The following TRAF3IP1 variants were observed in gnomAD, a reference collection of about 807,000 sequenced individuals.
The protein encoded by TRAF3IP1 is intraflagellar transport 54.
In TRAF3IP1, 53 loss-of-function variants were observed where a neutral mutation model predicts 89.9. The ratio of observed to expected loss-of-function variants is 0.59; its 90% confidence interval spans 0.47 to 0.74. TRAF3IP1 has a LOEUF of 0.74. TRAF3IP1 is among the 30% of genes least tolerant of loss of function. TRAF3IP1 has a pLI of 0.00. For synonymous variants in TRAF3IP1, 311 were observed against 322.1 expected, an observed-to-expected ratio of 0.97 and a Z score of 0.37; for missense variants, 806 against 866.1, an observed-to-expected ratio of 0.93 and a Z score of 0.87.
rs527637226 is a variant in TRAF3IP1 at position 238,336,998 on chromosome 2, G to A, written c.1064-1364G>A. On this transcript the variant is annotated intron_variant, in intron 7 of 16. Coordinates refer to ENST00000373327, the MANE Select transcript of TRAF3IP1 (RefSeq NM_015650.4). ...CATAGGTGTGGCCCTGCTTGACCTG[G>A]GGCCTGCGCTCTAGAACACTGCCTT... Among the ~76,000 whole-genome samples, 26 of 152,064 alleles carry A rather than the reference G, an allele frequency of 1.7e-4. 1 individual carries two copies. Among genetic ancestry groups the A allele is most frequent in the Admixed American group, 1.7e-3 (26 of 15,284 alleles).
intron 15 of TRAF3IP1, among the ~76,000 whole-genome samples, chr2:238,377,230 CTTTTTTTTTTTTTTTT>C (rs71402784): frequency 4.6e-5 from 4 of 86,716 alleles, no homozygotes; most frequent in Non-Finnish European, 8.2e-5. Context: ...TCCTGATTTT[CTTTTTTTTTTTTTTTT>C]TTTTTTTGAG....
intron 15 of TRAF3IP1, among the ~76,000 whole-genome samples, chr2:238,366,105 G>A (rs898206609): frequency 1.3e-5 from 2 of 152,032 alleles, no homozygotes; most frequent in Non-Finnish European, 2.9e-5. Context: ...GGTGGCAGGC[G>A]CCTGTAGTCC....
intron 15 of TRAF3IP1, among the ~76,000 whole-genome samples, chr2:238,376,311 T>C (rs996936984): frequency 1.3e-5 from 2 of 152,206 alleles, no homozygotes; most frequent in African/African-American, 4.8e-5. Context: ...TCATGGGCTA[T>C]AGAGAAATCC....
intron 3 of TRAF3IP1, among the ~76,000 whole-genome samples, chr2:238,327,810 G>A (rs1697913228): frequency 6.6e-6 from 1 of 152,072 alleles, no homozygotes; most frequent in Admixed American, 6.6e-5. Context: ...CTACTCTAGG[G>A]ACCTCGGATA....
intron 15 of TRAF3IP1, among the ~76,000 whole-genome samples, chr2:238,375,235 T>G (rs1700267543): frequency 6.6e-6 from 1 of 152,260 alleles, no homozygotes; most frequent in East Asian, 1.9e-4. Flanking sequence ...GTGTTGATTT[T>G]AAATCTTTCC....
At chr2:238,338,530 T>TA in intron 8 of TRAF3IP1, 73 bp downstream of exon 8, 5 of 839,254 alleles carry the variant, frequency 6.0e-6, no homozygotes, top group Non-Finnish European at 9.2e-6. Context: ...AATGTAGTTA[T>TA]ACATTGTTAA....
At chr2:238,371,715 A>G (rs796716691) in intron 15 of TRAF3IP1, among the ~76,000 whole-genome samples, 3 of 152,214 alleles carry the variant, frequency 2.0e-5, no homozygotes, top group Non-Finnish European at 4.4e-5. Flanking sequence ...GATTTCAAAT[A>G]TGGTGTTGGA....
At chr2:238,369,879 T>A (rs1239919289) in intron 15 of TRAF3IP1, among the ~76,000 whole-genome samples, 1 of 152,212 alleles carries the variant, frequency 6.6e-6, no homozygotes, top group East Asian at 1.9e-4. Flanking sequence ...TGGGCTGTAA[T>A]CTCTTACTGC....
chr2:238,327,512 A>G (rs887829024), intron 3 of TRAF3IP1, among the ~76,000 whole-genome samples: 5 of 152,206 alleles, frequency 3.3e-5, no homozygotes, highest in African/African-American at 1.2e-4. Context: ...GGGATGCTGG[A>G]GAAGGAATTT....
intron 7 of TRAF3IP1, among the ~76,000 whole-genome samples, chr2:238,334,245 G>C (rs113103228): frequency 4.4e-4 from 67 of 152,260 alleles, no homozygotes; most frequent in African/African-American, 1.6e-3. Flanking sequence ...ATGACATCAG[G>C]GCAGAGTAGC....
intron 15 of TRAF3IP1, among the ~76,000 whole-genome samples, chr2:238,376,579 A>C (rs939483042): frequency 6.6e-6 from 1 of 152,242 alleles, no homozygotes; most frequent in Non-Finnish European, 1.5e-5. Flanking sequence ...GAACAAAACT[A>C]TCTCTCCATT....
intron 1 of TRAF3IP1, among the ~76,000 whole-genome samples, chr2:238,322,799 A>G (rs920748898): frequency 1.3e-5 from 2 of 151,048 alleles, no homozygotes; most frequent in African/African-American, 4.9e-5. Context: ...CTCTTCTCCC[A>G]TAGACTTCCT....
chr2:238,395,087 A>G (rs1701151194), intron 15 of TRAF3IP1, among the ~76,000 whole-genome samples: 1 of 152,132 alleles, frequency 6.6e-6, no homozygotes, highest in Admixed American at 6.5e-5. Flanking sequence ...ACAGTGTTGC[A>G]GGGCATGATG....
intron 10 of TRAF3IP1, 118 bp downstream of exon 10, chr2:238,347,593 A>T: frequency 1.0e-6 from 1 of 976,788 alleles, no homozygotes; most frequent in Admixed American, 2.1e-5. Context: ...AACTTATTTT[A>T]TGGAAAAAGA....
chr2:238,358,170 G>A (rs886211199), intron 15 of TRAF3IP1, among the ~76,000 whole-genome samples: 1 of 151,512 alleles, frequency 6.6e-6, no homozygotes, highest in Admixed American at 6.6e-5. Context: ...GAGTGCAGTG[G>A]CGCGATCTCG....
At chr2:238,366,874 T>G (rs1699898212) in intron 15 of TRAF3IP1, among the ~76,000 whole-genome samples, 1 of 151,814 alleles carries the variant, frequency 6.6e-6, no homozygotes, top group South Asian at 2.1e-4. Flanking sequence ...AGGATGAAAA[T>G]TAGTGGAGGC....
intron 15 of TRAF3IP1, among the ~76,000 whole-genome samples, chr2:238,382,220 AGTG>A (rs1055953258): frequency 6.6e-6 from 1 of 152,220 alleles, no homozygotes; most frequent in African/African-American, 2.4e-5. Flanking sequence ...CAGATGCCAC[AGTG>A]GTTCTCCTGC....
chr2:238,344,696 C>G (rs1218119665), intron 9 of TRAF3IP1, 98 bp downstream of exon 9: 1 of 1,016,160 alleles, frequency 9.8e-7, no homozygotes, highest in East Asian at 2.5e-5. Context: ...CGAGGTTTTC[C>G]TCTTGGGTCT....
At chr2:238,388,229 G>A (rs1304804555) in intron 15 of TRAF3IP1, among the ~76,000 whole-genome samples, 1 of 151,966 alleles carries the variant, frequency 6.6e-6, no homozygotes, top group Non-Finnish European at 1.5e-5. Context: ...ACAAAAATTA[G>A]CCTGGCGTGA....
Sources: gnomAD v4.1 joint callset for allele counts (sites outside exome capture counted in the v4.1 genomes callset) on GRCh38, gnomAD v4.1.1 for gene constraint, MANE v1.5 for transcripts, NCBI Gene and HGNC (gene_info 2026-07-23, HGNC 2026-07-21) for gene names.